The following MECR variants were observed in gnomAD, a reference collection of about 807,000 sequenced individuals.
MECR encodes mitochondrial trans-2-enoyl-CoA reductase.
MECR carries 37 observed loss-of-function variants against 49.1 expected under a neutral mutation model. The ratio of observed to expected loss-of-function variants is 0.75; its 90% CI spans 0.58 to 0.99. The LOEUF is 0.99. Ranked by LOEUF, MECR falls within the 50% of genes least tolerant of loss-of-function variation. The probability of loss-of-function intolerance (pLI) is 0.00; values close to 1 mark genes in which losing one functional copy is unlikely to be tolerated. For synonymous variants in MECR, 198 were observed against 191.1 expected (o/e 1.04, Z -0.30); for missense variants, 470 against 479.6 (o/e 0.98, Z 0.19).
At chr1:29,181,564 C>G in the MECR span, 1 of 1,226,560 alleles carries the variant, frequency 8.2e-7, no homozygotes, top group South Asian at 1.5e-5. Flanking sequence ...GCGGACCAGG[C>G]GTCCCTCTCC....
At chr1:29,225,232 T>A (rs12040651) in intron 1 of MECR, among the ~76,000 whole-genome samples, 17,736 of 152,164 alleles carry the variant, frequency 0.12, 1,390 homozygotes, top group East Asian at 0.41. Flanking sequence ...CAGGATTACA[T>A]GAGTGCACAG....
chr1:29,200,067 A>G (rs980942651), intron 7 of MECR, among the ~76,000 whole-genome samples: 1 of 152,172 alleles, frequency 6.6e-6, no homozygotes, highest in Non-Finnish European at 1.5e-5. Flanking sequence ...AGCCAACAGG[A>G]AACTTTTATG....
At chr1:29,212,185 G>A (rs1269976108) in intron 3 of MECR, among the ~76,000 whole-genome samples, 4 of 152,188 alleles carry the variant, frequency 2.6e-5, no homozygotes, top group Non-Finnish European at 5.9e-5. Flanking sequence ...TTGGGAGGCC[G>A]AGGCGGGCAG....
At chr1:29,192,032 C>CCA (rs964631146), downstream of MECR, among the ~76,000 whole-genome samples, 29 of 152,058 alleles carry the variant, frequency 1.9e-4, no homozygotes, top group Admixed American at 1.8e-3. Context: ...GTTGAGGCTG[C>CCA]AGCGAGCCAA....
chr1:29,190,602 T>C (rs1574210969), downstream of MECR, among the ~76,000 whole-genome samples: 2 of 152,126 alleles, frequency 1.3e-5, no homozygotes, highest in African/African-American at 4.8e-5. Flanking sequence ...GAGACCAGCC[T>C]GTCCAACATG....
Position 29,194,141 on chromosome 1 carries a change from T to C in MECR, c.1003A>G (p.Ile335Val), listed in dbSNP as rs957917262. 6.2e-7 allele frequency: 1 copy of C among 1,612,652 alleles called. No individual in the cohort carries two copies. The highest frequency in any genetic ancestry group is 1.7e-5 in the Admixed American group (1 of 59,958). The change falls in exon 10 of 10, where the codon ATC (isoleucine) becomes GTC (valine). Residue 335 changes from isoleucine to valine, a missense_variant. Transcript: ENST00000263702. ...GGGGCTGTGAGCTGGCCTCGGCGGA[T>C]GAGATCGCACAGTGTGAGGATCAGC... ...KELILTLCDLIRRGQLTAPAC... is the reference protein window; with the variant it reads ...KELILTLCDLVRRGQLTAPAC...
chr1:29,201,661 G>A lies in MECR; in HGVS notation c.756+282C>T, dbSNP rs1675347165. The A allele has an allele frequency of 9.4e-6, 5 of 533,370 alleles. No homozygotes were observed. The highest frequency in any genetic ancestry group is 1.7e-5 in the Non-Finnish European group (5 of 293,610). The allele number at this position is 533,370 out of a possible 1,614,324, so 33.0% of individuals were successfully genotyped here. A position where few individuals can be genotyped will look rare whatever the true frequency, so the allele number is the denominator to read the frequency against. On this transcript the variant is annotated intron_variant, in intron 6 of 9. Coordinates refer to ENST00000263702, the MANE Select transcript of MECR (RefSeq NM_016011.5). This position sits in a 1 kb window ranked among gnomAD's most constrained non-coding sequence, Gnocchi z 4.3. Reference sequence around the variant, plus strand: ...TCAGGTCCTCTCCTGCCAGTTCTAAGAGTCACACATGTGGGCTGATGCGGC... The same window carrying A: ...TCAGGTCCTCTCCTGCCAGTTCTAAAAGTCACACATGTGGGCTGATGCGGC...
intron 1 of MECR, among the ~76,000 whole-genome samples, chr1:29,222,967 G>C (rs1681139139): frequency 6.6e-6 from 1 of 152,168 alleles, no homozygotes; most frequent in Non-Finnish European, 1.5e-5. Flanking sequence ...GGAAAACAGG[G>C]ACCAAGTCTG....
rs1675218991 is a variant in MECR at position 29,201,140 on chromosome 1, A to G, written c.757-551T>C. On this transcript the variant is annotated intron_variant, in intron 6 of 9. Transcript: ENST00000263702. This position sits in a 1 kb window ranked among gnomAD's most constrained non-coding sequence, Gnocchi z 4.3. ...GCAACTTAATCCTGTTGTCCATTTT[A>G]GGACCTGGCAGAACTCATCTTCTCT... Among the ~76,000 whole-genome samples, 1 of 152,160 alleles carries G rather than the reference A, an allele frequency of 6.6e-6. No homozygotes were observed. The highest frequency in any genetic ancestry group is 6.5e-5 in the Admixed American group (1 of 15,274).
At chr1:29,188,212 T>C (rs1229302086), downstream of MECR, among the ~76,000 whole-genome samples, 1 of 150,816 alleles carries the variant, frequency 6.6e-6, no homozygotes, top group Non-Finnish European at 1.5e-5. Context: ...TTTTTTGAAA[T>C]GGAGTCTCAC....
chr1:29,181,569 C>T, the MECR span: 1 of 1,297,208 alleles, frequency 7.7e-7, no homozygotes, highest in Non-Finnish European at 1.1e-6. Flanking sequence ...CCAGGCGTCC[C>T]TCTCCCGTCC....
intron 1 of MECR, among the ~76,000 whole-genome samples, chr1:29,217,722 G>C (rs778725021): frequency 4.6e-5 from 7 of 152,216 alleles, no homozygotes; most frequent in Non-Finnish European, 8.8e-5. Flanking sequence ...GAAATCCCAG[G>C]CTAGCTGACA....
chr1:29,217,358 T>A (rs562663384), intron 1 of MECR, among the ~76,000 whole-genome samples: 2 of 150,412 alleles, frequency 1.3e-5, no homozygotes, highest in Admixed American at 1.3e-4. Context: ...TAGAGGTGCC[T>A]GCCACCACGC....
At chr1:29,199,177 T>G (rs1674720463) in intron 7 of MECR, among the ~76,000 whole-genome samples, 1 of 152,038 alleles carries the variant, frequency 6.6e-6, no homozygotes, top group Non-Finnish European at 1.5e-5. Flanking sequence ...ATTGAGGGGG[T>G]TCCTGCTTTA....
chr1:29,187,417 T>C, the MECR span, among the ~76,000 whole-genome samples: 4,001 of 151,302 alleles, frequency 0.026, 84 homozygotes, highest in Middle Eastern at 0.052. Flanking sequence ...TGTTTCACTA[T>C]GTTGGCTGGT....
At chr1:29,227,183 G>A (rs1432039523) in intron 1 of MECR, among the ~76,000 whole-genome samples, 2 of 151,910 alleles carry the variant, frequency 1.3e-5, no homozygotes, top group African/African-American at 4.8e-5. Flanking sequence ...GGCTGGTCTC[G>A]AGCACCTGAC....
At chr1:29,230,089 A>G (rs1299568311) in intron 1 of MECR, among the ~76,000 whole-genome samples, 1 of 152,226 alleles carries the variant, frequency 6.6e-6, no homozygotes, top group Non-Finnish European at 1.5e-5. Context: ...GCCAAGATGC[A>G]TATACGGTGC....
intron 3 of MECR, among the ~76,000 whole-genome samples, chr1:29,215,417 A>C (rs1286194847): frequency 1.3e-5 from 2 of 152,040 alleles, no homozygotes; most frequent in Non-Finnish European, 2.9e-5. Flanking sequence ...CTCTTTACTA[A>C]AAATACAAAA....
chr1:29,214,772 C>T (rs1312176054), intron 3 of MECR, among the ~76,000 whole-genome samples: 1 of 152,212 alleles, frequency 6.6e-6, no homozygotes, highest in African/African-American at 2.4e-5. Context: ...AGTGGGCACT[C>T]TCATTTTGCT....
Sources: allele counts gnomAD v4.1 joint callset (sites outside exome capture counted in the v4.1 genomes callset), GRCh38; gene constraint gnomAD v4.1.1; non-coding constraint Gnocchi (gnomAD v3.1); transcripts MANE v1.5; gene names NCBI Gene and HGNC (gene_info 2026-07-23, HGNC 2026-07-21).